The following ACOXL variants were observed in gnomAD, a reference collection of about 807,000 sequenced individuals.
ACOXL encodes acyl-CoA oxidase like.
In ACOXL, 70 loss-of-function variants were observed where a neutral mutation model predicts 71.9. The ratio of observed to expected loss-of-function variants is 0.97; its 90% CI spans 0.80 to 1.19. The LOEUF (loss-of-function observed/expected upper bound fraction) is 1.19, where lower values mean the gene tolerates loss of function less well. Ranked by LOEUF, ACOXL falls within the 50% of genes most tolerant of loss-of-function variation. ACOXL has a pLI of 0.00. For synonymous variants in ACOXL, 253 were observed against 281.6 expected (o/e 0.90, Z 1.02); for missense variants, 703 against 736.3 (o/e 0.95, Z 0.52).
chr2:110,842,318 T>C (rs991032760), intron 10 of ACOXL, among the ~76,000 whole-genome samples: 1 of 152,106 alleles, frequency 6.6e-6, no homozygotes, highest in Non-Finnish European at 1.5e-5. Context: ...AAGGTTCTCA[T>C]GTGGGACATT....
intron 16 of ACOXL, among the ~76,000 whole-genome samples, chr2:111,061,821 C>T (rs1001229641): frequency 1.3e-5 from 2 of 151,676 alleles, no homozygotes; most frequent in Non-Finnish European, 2.9e-5. Flanking sequence ...GGAGTAACTA[C>T]TAAAAAACTA....
chr2:110,923,722 C>T (rs189879678), intron 11 of ACOXL, among the ~76,000 whole-genome samples: 12 of 152,122 alleles, frequency 7.9e-5, no homozygotes, highest in African/African-American at 2.4e-4. Flanking sequence ...TCACTTGAGG[C>T]CAGGAGTTCG....
intron 1 of ACOXL, among the ~76,000 whole-genome samples, chr2:110,766,245 A>C (rs1573406931): frequency 6.6e-6 from 1 of 152,208 alleles, no homozygotes; most frequent in Non-Finnish European, 1.5e-5. Context: ...TCTTGGTATC[A>C]TGAGCAATTT....
At chr2:110,956,494 A>G (rs2061505796) in intron 12 of ACOXL, among the ~76,000 whole-genome samples, 1 of 152,210 alleles carries the variant, frequency 6.6e-6, no homozygotes, top group Non-Finnish European at 1.5e-5. Flanking sequence ...TCCTGAATTC[A>G]GGAGACCCAA....
At chr2:110,802,117 G>C (rs1260001406) in intron 8 of ACOXL, among the ~76,000 whole-genome samples, 1 of 152,140 alleles carries the variant, frequency 6.6e-6, no homozygotes, top group Non-Finnish European at 1.5e-5. Context: ...GCACACACAT[G>C]CATTATCATC....
At chr2:110,880,168 A>AG (rs1553411871) in intron 10 of ACOXL, among the ~76,000 whole-genome samples, 22 of 150,796 alleles carry the variant, frequency 1.5e-4, no homozygotes, top group African/African-American at 5.3e-4. Flanking sequence ...AAAAAAAAAA[A>AG]AAAAGAAAAG....
intron 10 of ACOXL, among the ~76,000 whole-genome samples, chr2:110,844,429 G>A (rs1383929425): frequency 6.6e-6 from 1 of 152,150 alleles, no homozygotes; most frequent in Non-Finnish European, 1.5e-5. Context: ...TTCACGAGGT[G>A]TCTCTGAAGA....
chr2:110,820,960 G>A (rs1163539157), intron 9 of ACOXL, among the ~76,000 whole-genome samples: 1 of 152,208 alleles, frequency 6.6e-6, no homozygotes, highest in Non-Finnish European at 1.5e-5. Context: ...GATACCCAGA[G>A]TGTGGTTTGG....
chr2:110,779,395 G>T (rs1233366152), intron 2 of ACOXL, among the ~76,000 whole-genome samples: 1 of 152,202 alleles, frequency 6.6e-6, no homozygotes, highest in African/African-American at 2.4e-5. Context: ...ACTATGGTTG[G>T]GGGAGAGAGG....
intron 2 of ACOXL, among the ~76,000 whole-genome samples, chr2:110,772,709 G>A (rs968193722): frequency 2.6e-5 from 4 of 152,148 alleles, no homozygotes; most frequent in African/African-American, 9.7e-5. Flanking sequence ...TTGCACCATC[G>A]TTATCTAAAC....
chr2:110,796,707 CCT>C (rs1245622854), intron 5 of ACOXL, among the ~76,000 whole-genome samples: 1 of 152,214 alleles, frequency 6.6e-6, no homozygotes, highest in Non-Finnish European at 1.5e-5. Flanking sequence ...TCAAGCAATG[CCT>C]CTCCTTGAGA....
At chr2:110,952,432 T>C (rs1166706519) in intron 12 of ACOXL, among the ~76,000 whole-genome samples, 1 of 152,170 alleles carries the variant, frequency 6.6e-6, no homozygotes, top group East Asian at 1.9e-4. Flanking sequence ...CCACTATATC[T>C]GATTTTTCTA....
Position 110,784,825 on chromosome 2 carries a change from G to A in ACOXL, c.159+10G>A, listed in dbSNP as rs1683758086. ...GGCCACAGGAGTGAAGGTGAGAGGC[G>A]CCGGGCACCTGCCCTTCATGAATGC... On this transcript the variant is annotated intron_variant, in intron 3 of 17. Transcript: ENST00000439055. 5.7e-6 allele frequency: 9 copies of A among 1,591,782 alleles called. No homozygotes were observed. The South Asian group carries it at 8.0e-5, about 14-fold the overall frequency.
At chr2:110,841,256 A>T (rs1370020388) in intron 9 of ACOXL, 115 bp from the exon 10 acceptor site, 2 of 706,132 alleles carry the variant, frequency 2.8e-6, no homozygotes, top group Non-Finnish European at 4.9e-6. Context: ...CATTAGCTGT[A>T]GGGCATTTTA....
At chr2:111,094,844 G>GCT (rs2068720842) in intron 17 of ACOXL, among the ~76,000 whole-genome samples, 1 of 152,164 alleles carries the variant, frequency 6.6e-6, no homozygotes, top group Non-Finnish European at 1.5e-5. Flanking sequence ...CTTATGGCTG[G>GCT]CAGCTCAGCT....
chr2:110,893,379 CA>C (rs1007428475), intron 10 of ACOXL, among the ~76,000 whole-genome samples: 36 of 151,092 alleles, frequency 2.4e-4, no homozygotes, highest in African/African-American at 6.6e-4. Context: ...TATTAATAAT[CA>C]AAAAAAGGCA....
intron 10 of ACOXL, among the ~76,000 whole-genome samples, chr2:110,872,247 G>A (rs955857538): frequency 6.6e-6 from 1 of 152,150 alleles, no homozygotes; most frequent in African/African-American, 2.4e-5. Context: ...ACTGGTGTAG[G>A]ATCATTTGTT....
intron 16 of ACOXL, among the ~76,000 whole-genome samples, chr2:111,061,192 T>A (rs748479252): frequency 2.0e-5 from 3 of 151,948 alleles, no homozygotes; most frequent in Non-Finnish European, 2.9e-5. Flanking sequence ...ATAGGATACA[T>A]CAAAGAAATT....
chr2:110,739,573 C>T (rs566746246), intron 1 of ACOXL, among the ~76,000 whole-genome samples: 1 of 152,362 alleles, frequency 6.6e-6, no homozygotes, highest in East Asian at 1.9e-4. Flanking sequence ...AGTGGTGGCT[C>T]TCACTGAGGG....
Sources: allele counts gnomAD v4.1 joint callset (sites outside exome capture counted in the v4.1 genomes callset), GRCh38; gene constraint gnomAD v4.1.1; transcripts MANE v1.5; gene names NCBI Gene and HGNC (gene_info 2026-07-23, HGNC 2026-07-21).